Variants in EXOC6B observed in about 807,000 individuals in gnomAD.
EXOC6B encodes the protein SEC15 homolog B.
A neutral mutation model predicts 113.5 loss-of-function variants in EXOC6B; 54 were observed. The ratio of observed to expected loss-of-function variants is 0.48; its 90% CI spans 0.38 to 0.60. The LOEUF (loss-of-function observed/expected upper bound fraction) is 0.60, where lower values mean the gene tolerates loss of function less well. EXOC6B is among the 20% of genes least tolerant of loss of function. The pLI is 0.00. For missense variants in EXOC6B, 797 were observed against 977.5 expected (o/e 0.82, Z 2.46); for synonymous variants, 357 against 339.0 (o/e 1.05, Z -0.58).
intron 8 of EXOC6B, among the ~76,000 whole-genome samples, chr2:72,537,848 T>C (rs946806749): frequency 6.6e-6 from 1 of 152,194 alleles, no homozygotes; most frequent in Non-Finnish European, 1.5e-5. Flanking sequence ...CAAAAATTGA[T>C]GTTATTTTTG....
At chr2:72,312,882 T>C (rs1687287888) in intron 20 of EXOC6B, among the ~76,000 whole-genome samples, 1 of 149,004 alleles carries the variant, frequency 6.7e-6, no homozygotes, top group Admixed American at 6.7e-5. Flanking sequence ...GAAATAAAAA[T>C]ACAAAGCAGA....
intron 6 of EXOC6B, among the ~76,000 whole-genome samples, chr2:72,708,364 G>A (rs1364397106): frequency 6.6e-6 from 1 of 152,292 alleles, no homozygotes; most frequent in Admixed American, 6.5e-5. Flanking sequence ...ACTTTAAGCT[G>A]ATGGAAACCT....
intron 20 of EXOC6B, 110 bp downstream of exon 20, chr2:72,334,837 A>G (rs1161883470): frequency 8.2e-6 from 8 of 976,240 alleles, no homozygotes; most frequent in Admixed American, 7.8e-5. Flanking sequence ...TAGGTCTCCA[A>G]TGTGAATCGC....
At chr2:72,420,116 T>C (rs867000487) in intron 18 of EXOC6B, among the ~76,000 whole-genome samples, 6 of 152,240 alleles carry the variant, frequency 3.9e-5, no homozygotes, top group Admixed American at 2.6e-4. Flanking sequence ...TTATGTATTA[T>C]ACTTTTCAGT....
intron 17 of EXOC6B, among the ~76,000 whole-genome samples, chr2:72,467,143 GCT>G (rs1698107330): frequency 6.6e-6 from 1 of 152,140 alleles, no homozygotes; most frequent in East Asian, 1.9e-4. Flanking sequence ...AGGTTTCCAT[GCT>G]GTTGCAAATG....
intron 20 of EXOC6B, among the ~76,000 whole-genome samples, chr2:72,303,114 GT>G (rs1339774026): frequency 8.5e-5 from 13 of 152,124 alleles, no homozygotes; most frequent in African/African-American, 2.9e-4. Context: ...CTTGGTTGAA[GT>G]TTTTTTCTTT....
chr2:72,665,548 G>A (rs1465576434), intron 6 of EXOC6B, among the ~76,000 whole-genome samples: 4 of 152,142 alleles, frequency 2.6e-5, no homozygotes, highest in African/African-American at 9.7e-5. Flanking sequence ...CCTATTTTCA[G>A]TGTCCTTAAA....
At chr2:72,420,650 G>A (rs866247759) in intron 18 of EXOC6B, among the ~76,000 whole-genome samples, 2 of 152,098 alleles carry the variant, frequency 1.3e-5, no homozygotes, top group African/African-American at 2.4e-5. Context: ...TGGACATTTG[G>A]GTTGGTTCCA....
At chr2:72,456,953 T>C (rs1254969372) in intron 18 of EXOC6B, among the ~76,000 whole-genome samples, 1 of 151,364 alleles carries the variant, frequency 6.6e-6, no homozygotes, top group East Asian at 1.9e-4. Context: ...GTATGTAAGA[T>C]TTTCAACACA....
At chr2:72,578,899 A>G (rs1705035158) in intron 6 of EXOC6B, among the ~76,000 whole-genome samples, 1 of 152,178 alleles carries the variant, frequency 6.6e-6, no homozygotes, top group African/African-American at 2.4e-5. Flanking sequence ...AAGGAATAAC[A>G]GGAGATAAAG....
Position 72,825,919 on chromosome 2 carries a change from G to A in EXOC6B, c.-9C>T. 3 of 1,611,448 alleles carry A rather than the reference G, an allele frequency of 1.9e-6. No homozygotes were observed. The South Asian group carries it at 3.3e-5, about 18-fold the overall frequency. ...ATCTTACCCCGCTCCATAGACTGGG[G>A]GCGCCCCGCAGCGCGTCCCCTCCGT... On this transcript the variant is annotated 5_prime_UTR_variant, in exon 1 of 22. Transcript: ENST00000272427. The surrounding 1 kb of genome is among the most constrained non-coding windows in gnomAD (Gnocchi z 4.4).
chr2:72,754,942 T>C lies in EXOC6B; in HGVS notation c.114-13473A>G, dbSNP rs549376924. Among the ~76,000 whole-genome samples, 7 of 152,260 alleles carry C rather than the reference T, an allele frequency of 4.6e-5. No individual in the cohort carries two copies. The East Asian group carries it at 1.4e-3, about 29-fold the overall frequency. ...TCATAGTCTAGTTCGATAAGGAATA[T>C]ATTTAAAAATCTATTTTTTTTAATG... On this transcript the variant is annotated intron_variant, in intron 1 of 21. Transcript: ENST00000272427.
At chr2:72,448,494 G>C (rs890766534) in intron 18 of EXOC6B, among the ~76,000 whole-genome samples, 3 of 151,988 alleles carry the variant, frequency 2.0e-5, no homozygotes, top group Admixed American at 6.6e-5. Context: ...TACTAAACAA[G>C]AATAACCTGG....
intron 18 of EXOC6B, among the ~76,000 whole-genome samples, chr2:72,423,276 C>G (rs1028397037): frequency 6.6e-6 from 1 of 151,930 alleles, no homozygotes; most frequent in African/African-American, 2.4e-5. Context: ...CACATCTGAA[C>G]ATCAGAAGGG....
At chr2:72,281,943 C>A (rs1315252202) in intron 20 of EXOC6B, among the ~76,000 whole-genome samples, 1 of 152,120 alleles carries the variant, frequency 6.6e-6, no homozygotes. Flanking sequence ...TGATACCTGA[C>A]TTCATTTTTT....
At chr2:72,392,860 T>C (rs1302937301) in intron 18 of EXOC6B, among the ~76,000 whole-genome samples, 2 of 152,132 alleles carry the variant, frequency 1.3e-5, no homozygotes, top group Non-Finnish European at 2.9e-5. Context: ...TATGACCTCA[T>C]TGATATTTTA....
chr2:72,517,042 C>G (rs1043477471), intron 8 of EXOC6B, among the ~76,000 whole-genome samples: 1 of 152,004 alleles, frequency 6.6e-6, no homozygotes, highest in African/African-American at 2.4e-5. Context: ...TTGGGAAAGT[C>G]GACTTAAGGT....
intron 20 of EXOC6B, among the ~76,000 whole-genome samples, chr2:72,254,834 G>C (rs908013900): frequency 1.3e-5 from 2 of 152,168 alleles, no homozygotes; most frequent in Non-Finnish European, 2.9e-5. Context: ...CAATGAATTT[G>C]TATATCAAGC....
chr2:72,276,949 T>C (rs1299201201), intron 20 of EXOC6B, among the ~76,000 whole-genome samples: 1 of 152,188 alleles, frequency 6.6e-6, no homozygotes, highest in Non-Finnish European at 1.5e-5. Context: ...TCAATCTTCT[T>C]TGATAAAACG....
Sources: gnomAD v4.1 joint callset for allele counts (sites outside exome capture counted in the v4.1 genomes callset) on GRCh38, gnomAD v4.1.1 for gene constraint, Gnocchi (gnomAD v3.1) non-coding constraint, MANE v1.5 for transcripts, NCBI Gene and HGNC (gene_info 2026-07-23, HGNC 2026-07-21) for gene names.